Variants in OR51B5 observed in about 807,000 individuals in gnomAD.
The protein encoded by OR51B5 is olfactory receptor 51B5.
For missense variants in OR51B5, 456 were observed against 374.6 expected (o/e 1.22, Z -1.79); for synonymous variants, 186 against 144.8 (o/e 1.28, Z -2.04).
chr11:5,389,751 CTTT>C (rs1849763547), intron 1 of OR51B5: 2 of 1,613,996 alleles, frequency 1.2e-6, no homozygotes, highest in South Asian at 1.1e-5. Flanking sequence ...TGCATCCACT[CTTT>C]TTCCTTCATG....
intron 1 of OR51B5, among the ~76,000 whole-genome samples, chr11:5,350,118 A>T (rs1849054757): frequency 6.6e-6 from 1 of 152,164 alleles, no homozygotes; most frequent in African/African-American, 2.4e-5. Context: ...AATAACAAAA[A>T]CACAAAAATA....
At chr11:5,423,774 A>T (rs1327881318) in intron 1 of OR51B5, among the ~76,000 whole-genome samples, 2 of 152,232 alleles carry the variant, frequency 1.3e-5, no homozygotes, top group African/African-American at 4.8e-5. Flanking sequence ...CTCAGCAAGC[A>T]AAATAAACAT....
At chr11:5,423,107 T>C (rs756300921) in intron 1 of OR51B5, 3 of 1,607,856 alleles carry the variant, frequency 1.9e-6, no homozygotes, top group East Asian at 2.2e-5. Flanking sequence ...GCAGATCCAA[T>C]GGGGAATGTT....
chr11:5,382,025 C>T (rs1564794395), intron 1 of OR51B5, among the ~76,000 whole-genome samples: 1 of 152,138 alleles, frequency 6.6e-6, no homozygotes, highest in Non-Finnish European at 1.5e-5. Context: ...ACTTTAAATC[C>T]TTCCTGCATA....
At chr11:5,413,402 G>A (rs763893744) in intron 1 of OR51B5, among the ~76,000 whole-genome samples, 25 of 152,202 alleles carry the variant, frequency 1.6e-4, no homozygotes, top group Non-Finnish European at 3.2e-4. Context: ...AAGGAATGCA[G>A]TTCTTCACCA....
At chr11:5,459,616 G>A (rs761709475) in intron 1 of OR51B5, among the ~76,000 whole-genome samples, 34 of 143,068 alleles carry the variant, frequency 2.4e-4, no homozygotes, top group Non-Finnish European at 4.1e-4. Flanking sequence ...TGGCCAAGAA[G>A]CATGTGAAAT....
intron 1 of OR51B5, among the ~76,000 whole-genome samples, chr11:5,379,425 C>T (rs1460935253): frequency 6.6e-6 from 1 of 151,520 alleles, no homozygotes; most frequent in Non-Finnish European, 1.5e-5. Flanking sequence ...CTAACCGGCA[C>T]ATTATGCACA....
chr11:5,401,150 C>A (rs1849962060), intron 1 of OR51B5, among the ~76,000 whole-genome samples: 1 of 152,172 alleles, frequency 6.6e-6, no homozygotes, highest in African/African-American at 2.4e-5. Context: ...CCCTCTATTG[C>A]CTTCCTCTCC....
chr11:5,440,940 C>T, intron 1 of OR51B5: 1 of 1,613,856 alleles, frequency 6.2e-7, no homozygotes, highest in Non-Finnish European at 8.5e-7. Context: ...ATGGATGTCT[C>T]CACATGCTAC....
intron 1 of OR51B5, among the ~76,000 whole-genome samples, chr11:5,499,245 T>C (rs1851688135): frequency 6.7e-6 from 1 of 150,224 alleles, no homozygotes; most frequent in Non-Finnish European, 1.5e-5. Context: ...CCATTCAAAA[T>C]AGCATTTAAA....
In OR51B5 at chr11:5,446,476, C is replaced by T. The variant is rs1198642275; in HGVS notation, n.84+59093G>A. ...ATGAAGCAAGACATAGTCTATTATGCCATGTTCAAAACACCAGTGAAAATT... is the reference window on the plus strand; with the variant it reads ...ATGAAGCAAGACATAGTCTATTATGTCATGTTCAAAACACCAGTGAAAATT... On this transcript the variant is annotated intron_variant and non_coding_transcript_variant, in intron 1 of 4. Coordinates refer to the OR51B5 transcript ENST00000415970. Among the ~76,000 whole-genome samples the T allele has an allele frequency of 2.6e-5, 4 of 152,198 alleles. No homozygotes were observed. In the South Asian group the frequency reaches 6.2e-4, roughly 24 times the overall value.
At chr11:5,453,341 G>C (rs1850886133) in intron 1 of OR51B5, 2 of 506,928 alleles carry the variant, frequency 3.9e-6, no homozygotes, top group Non-Finnish European at 3.4e-6. Flanking sequence ...CAAAAGCAGT[G>C]ATTTCATGAA....
chr11:5,441,290 C>T (rs1850685016), intron 1 of OR51B5: 2 of 1,613,906 alleles, frequency 1.2e-6, no homozygotes, highest in Non-Finnish European at 1.7e-6. Flanking sequence ...TAGAAAAGGA[C>T]ACTCCCAGAT....
rs751523174 is a variant in OR51B5, at chr11:5,422,304, G to C, written n.85-75394C>G. 4.3e-5 allele frequency: 69 copies of C among 1,613,918 alleles called. 1 individual carries two copies. In the South Asian group the frequency reaches 7.5e-4, roughly 17 times the overall value. ...ATCTGGATCTCCATCCCCGTCTGCT[G>C]TCTCTACACCATCTCCATCATGGGC... On this transcript the variant is annotated intron_variant and non_coding_transcript_variant, in intron 1 of 4. Coordinates refer to the OR51B5 transcript ENST00000415970.
At chr11:5,488,726 G>A (rs753787030) in intron 1 of OR51B5, 20 of 1,613,578 alleles carry the variant, frequency 1.2e-5, no homozygotes, top group Non-Finnish European at 1.7e-5. Flanking sequence ...TCCAACCTCA[G>A]TGATAACCAT....
chr11:5,484,073 C>T (rs1336031722), intron 1 of OR51B5, among the ~76,000 whole-genome samples: 2 of 152,138 alleles, frequency 1.3e-5, no homozygotes, highest in Non-Finnish European at 2.9e-5. Context: ...ATACACACAC[C>T]TTTACACCGA....
chr11:5,495,166 A>C (rs1851631007), intron 1 of OR51B5, among the ~76,000 whole-genome samples: 1 of 152,192 alleles, frequency 6.6e-6, no homozygotes, highest in Non-Finnish European at 1.5e-5. Flanking sequence ...GAGTGGATGC[A>C]CTGAACGAGT....
chr11:5,396,371 G>C (rs547735648), intron 1 of OR51B5, among the ~76,000 whole-genome samples: 59 of 152,282 alleles, frequency 3.9e-4, no homozygotes, highest in African/African-American at 1.4e-3. Context: ...CTTCAGCAAA[G>C]TCTCAGGATA....
intron 1 of OR51B5, among the ~76,000 whole-genome samples, chr11:5,425,090 A>G (rs7926826): frequency 0.5 from 74,558 of 149,508 alleles, 19,094 homozygotes; most frequent in Non-Finnish European, 0.55. Context: ...AGAGCCTAAA[A>G]GTTAGCATTT....
Sources: allele counts gnomAD v4.1 joint callset (sites outside exome capture counted in the v4.1 genomes callset), GRCh38; gene constraint gnomAD v4.1.1; transcripts MANE v1.5; gene names NCBI Gene and HGNC (gene_info 2026-07-23, HGNC 2026-07-21).